The following MELK variants were observed in gnomAD, a reference collection of about 807,000 sequenced individuals.
MELK encodes the protein maternal embryonic leucine zipper kinase.
MELK carries 81 observed loss-of-function variants against 85.0 expected under a neutral mutation model. That is an observed-to-expected ratio of 0.95 (90% CI 0.80 to 1.15). The LOEUF is 1.15. MELK is among the 50% of genes most tolerant of loss of function. The probability of loss-of-function intolerance (pLI) is 0.00; values close to 1 mark genes in which losing one functional copy is unlikely to be tolerated. For missense variants in MELK, 754 were observed against 777.5 expected, an observed-to-expected ratio of 0.97 and a Z score of 0.36; for synonymous variants, 252 against 265.0, an observed-to-expected ratio of 0.95 and a Z score of 0.48.
At chr9:36,582,897 G>A (rs975771617) in intron 2 of MELK, among the ~76,000 whole-genome samples, 1 of 152,078 alleles carries the variant, frequency 6.6e-6, no homozygotes, top group Non-Finnish European at 1.5e-5. Flanking sequence ...TTAATTTGGG[G>A]ATTTCTTTTA....
chr9:36,594,469 T>G (rs1362971012), intron 4 of MELK, among the ~76,000 whole-genome samples, 159 bp from the exon 5 acceptor site: 6 of 152,196 alleles, frequency 3.9e-5, no homozygotes, highest in Admixed American at 1.3e-4. Context: ...TTGACTTGTT[T>G]GATCCTGAGA....
At chr9:36,658,770 C>T (rs1048688132) in intron 13 of MELK, among the ~76,000 whole-genome samples, 1 of 151,954 alleles carries the variant, frequency 6.6e-6, no homozygotes, top group Non-Finnish European at 1.5e-5. Flanking sequence ...GTTGGGATCT[C>T]TGCTCACTGC....
At chr9:36,591,096 A>T (rs1823495423) in intron 4 of MELK, among the ~76,000 whole-genome samples, 1 of 152,092 alleles carries the variant, frequency 6.6e-6, no homozygotes, top group Non-Finnish European at 1.5e-5. Flanking sequence ...TGTCTCTAAA[A>T]AATAAAAACA....
intron 13 of MELK, among the ~76,000 whole-genome samples, chr9:36,659,885 C>T (rs527799264): frequency 2.0e-5 from 3 of 152,260 alleles, no homozygotes; most frequent in Non-Finnish European, 2.9e-5. Flanking sequence ...CTGCGATTTT[C>T]GCCTCCTGGG....
At chr9:36,603,812 G>A (rs77726184) in intron 7 of MELK, among the ~76,000 whole-genome samples, 2 of 152,152 alleles carry the variant, frequency 1.3e-5, no homozygotes, top group Non-Finnish European at 1.5e-5. Flanking sequence ...TCAAAACAGC[G>A]AAGTAAAGGT....
chr9:36,657,138 A>C lies in MELK; in HGVS notation c.1054-103A>C, dbSNP rs952065719. 8 of 1,321,010 alleles carry C rather than the reference A, an allele frequency of 6.1e-6. No homozygotes were observed. In the Admixed American group the frequency reaches 7.9e-5, roughly 13 times the overall value. 81.8% of individuals were successfully genotyped at this position (1,321,010 alleles called of 1,614,324 possible). Reference sequence around the variant, plus strand: ...ACACAGTGATAAAATTGCCTAATACATTTCTCAGAATGTGTCTCTGTCGTT... The same window carrying C: ...ACACAGTGATAAAATTGCCTAATACCTTTCTCAGAATGTGTCTCTGTCGTT... On this transcript the variant is annotated intron_variant, in intron 12 of 17. Coordinates refer to ENST00000298048, the MANE Select transcript of MELK (RefSeq NM_014791.4).
intron 8 of MELK, among the ~76,000 whole-genome samples, chr9:36,617,723 T>G (rs1337507876): frequency 6.6e-6 from 1 of 152,236 alleles, no homozygotes; most frequent in Non-Finnish European, 1.5e-5. Flanking sequence ...TTAAAAATGT[T>G]TAAATGTTTG....
rs1830719646 is a variant in MELK, at chr9:36,651,749, C to T, written c.925C>T (p.Gln309Ter). The T allele has an allele frequency of 1.2e-6, 2 of 1,611,562 alleles. No homozygotes were observed. Among genetic ancestry groups the T allele is most frequent in the Non-Finnish European group, 1.7e-6 (2 of 1,178,724 alleles). ...QTMEDLISLW[Q>*]YDHLTATYLL... ...ACTTGATTTTCTTTTCCTTTAGTGG[C>T]AGTATGATCACCTCACGGCTACCTA... The change falls in exon 12 of 18, where the codon CAG (glutamine) becomes TAG (stop). Residue 309 changes from glutamine (Q) to a stop codon, truncating the protein, a stop_gained. Transcript: ENST00000298048. LOFTEE classifies it high-confidence loss of function.
At position 36,590,085 on chromosome 9, in the gene MELK, C is replaced by A. The variant is rs973579149; in HGVS notation, c.261+433C>A. 3.3e-5 allele frequency among the ~76,000 whole-genome samples: 5 copies of A among 152,104 alleles called. No individual in the cohort carries two copies. The South Asian group carries it at 1.0e-3, about 32-fold the overall frequency. ...TACAGGCGCCCACCACCATGCCCGG[C>A]TAATTTTTTATATTTTTAGTAGAGA... On this transcript the variant is annotated intron_variant, in intron 4 of 17. Transcript: ENST00000298048.
intron 10 of MELK, among the ~76,000 whole-genome samples, chr9:36,640,070 G>A (rs1270283796): frequency 6.6e-6 from 1 of 152,206 alleles, no homozygotes. Context: ...GACTTTAACA[G>A]TACCACTAGT....
chr9:36,609,213 C>T (rs1825854647), intron 8 of MELK, among the ~76,000 whole-genome samples: 1 of 151,050 alleles, frequency 6.6e-6, no homozygotes, highest in Non-Finnish European at 1.5e-5. Flanking sequence ...GATGATTACA[C>T]AACTTTGTGA....
intron 10 of MELK, among the ~76,000 whole-genome samples, chr9:36,638,913 C>G (rs905067878): frequency 6.6e-6 from 1 of 152,082 alleles, no homozygotes; most frequent in Non-Finnish European, 1.5e-5. Context: ...AAACGCACAC[C>G]GAAGGGTTCT....
At chr9:36,648,982 C>T (rs1243691070) in intron 11 of MELK, among the ~76,000 whole-genome samples, 6 of 151,704 alleles carry the variant, frequency 4.0e-5, no homozygotes, top group Non-Finnish European at 8.8e-5. Context: ...AAAAAAAAAC[C>T]CCAGATATGC....
At chr9:36,663,676 TTCCA>T (rs1255051783) in intron 13 of MELK, among the ~76,000 whole-genome samples, 2 of 152,222 alleles carry the variant, frequency 1.3e-5, no homozygotes, top group African/African-American at 2.4e-5. Flanking sequence ...TAACCTCCAC[TTCCA>T]TCCACCTTGT....
chr9:36,616,198 G>GTA (rs1826764702), intron 8 of MELK, among the ~76,000 whole-genome samples: 1 of 152,142 alleles, frequency 6.6e-6, no homozygotes, highest in Admixed American at 6.5e-5. Context: ...TTGACCCTTT[G>GTA]TATATACAGG....
At chr9:36,670,919 G>C in intron 15 of MELK, 79 bp from the exon 16 acceptor site, 1 of 1,441,828 alleles carries the variant, frequency 6.9e-7, no homozygotes, top group Non-Finnish European at 9.2e-7. Flanking sequence ...TGTGTATGAA[G>C]GGACAAAAGT....
At chr9:36,642,553 C>G (rs939748158) in intron 10 of MELK, among the ~76,000 whole-genome samples, 76 of 151,474 alleles carry the variant, frequency 5.0e-4, no homozygotes, top group African/African-American at 1.7e-3. Flanking sequence ...CACAGCCTCC[C>G]AAGTGGCTGG....
intron 5 of MELK, 152 bp downstream of exon 5, chr9:36,594,923 AC>A: frequency 2.9e-6 from 2 of 683,624 alleles, no homozygotes; most frequent in Non-Finnish European, 4.1e-6. Context: ...TTTTCCTCTT[AC>A]TTTTTTTTTT....
Position 36,671,052 on chromosome 9 carries a change from A to T in MELK, c.1560A>T (p.Lys520Asn), listed in dbSNP as rs779630366. Residue 520 changes from lysine to asparagine, a missense_variant, in exon 16 of 18, where the codon AAA (lysine) becomes AAT (asparagine). Lys to Asn is a moderately conservative substitution (Grantham distance 94). Coordinates refer to ENST00000298048, the MANE Select transcript of MELK (RefSeq NM_014791.4). ...AAGCACATATGGAGGAGACTCCAAA[A>T]AGAAAGGGAGCCAAAGTGTTTGGGA... Reference protein sequence around the residue: ...LNQAHMEETPKRKGAKVFGSL... With the variant: ...LNQAHMEETPNRKGAKVFGSL... 2.5e-6 allele frequency: 4 copies of T among 1,613,538 alleles called. No homozygotes were observed. The highest frequency in any genetic ancestry group is 3.4e-6 in the Non-Finnish European group (4 of 1,179,716).
Sources: gnomAD v4.1 joint callset for allele counts (sites outside exome capture counted in the v4.1 genomes callset) on GRCh38, gnomAD v4.1.1 for gene constraint, MANE v1.5 for transcripts, NCBI Gene and HGNC (gene_info 2026-07-23, HGNC 2026-07-21) for gene names.